CALD1: variants seen among roughly 807,000 people sequenced by gnomAD.
CALD1 encodes the protein caldesmon.
In CALD1, 33 loss-of-function variants were observed where a neutral mutation model predicts 99.9. The ratio of observed to expected loss-of-function variants is 0.33; its 90% CI spans 0.25 to 0.44. The LOEUF is 0.44. CALD1 is among the 20% of genes least tolerant of loss of function. CALD1 has a pLI of 1.00. For missense variants in CALD1, 861 were observed against 962.1 expected (o/e 0.89, Z 1.39); for synonymous variants, 310 against 325.0 (o/e 0.95, Z 0.50).
At chr7:134,901,151 G>C (rs1220199206) in intron 3 of CALD1, among the ~76,000 whole-genome samples, 1 of 151,578 alleles carries the variant, frequency 6.6e-6, no homozygotes, top group Admixed American at 6.6e-5. Context: ...CCAAGAGGGA[G>C]GTAGGGAGAA....
At chr7:134,793,051 C>T (rs749845496) in intron 1 of CALD1, among the ~76,000 whole-genome samples, 4 of 152,212 alleles carry the variant, frequency 2.6e-5, no homozygotes, top group Non-Finnish European at 5.9e-5. Flanking sequence ...GAAACCACGG[C>T]GGCAGACCAT....
intron 1 of CALD1, among the ~76,000 whole-genome samples, chr7:134,833,568 G>A (rs770159366): frequency 7.2e-5 from 11 of 152,150 alleles, no homozygotes; most frequent in Non-Finnish European, 1.3e-4. Context: ...TGGGAAGAAG[G>A]GCACTGGAGA....
At chr7:134,910,181 C>T (rs2132690765) in intron 3 of CALD1, among the ~76,000 whole-genome samples, 1 of 152,200 alleles carries the variant, frequency 6.6e-6, no homozygotes, top group South Asian at 2.1e-4. Context: ...AATCACTAGC[C>T]CCGTAGAGAT....
chr7:134,900,092 T>G (rs919701755), intron 3 of CALD1: 1 of 152,140 alleles, frequency 6.6e-6, no homozygotes, highest in African/African-American at 2.4e-5. Context: ...CTATATTCAC[T>G]CCAAAGAGAA....
chr7:134,945,178 C>T (rs1424963316), intron 7 of CALD1, among the ~76,000 whole-genome samples: 1 of 152,154 alleles, frequency 6.6e-6, no homozygotes, highest in African/African-American at 2.4e-5. Context: ...GAAAATTCAA[C>T]ATAATTTCAA....
chr7:134,804,094 T>C (rs913974741), intron 1 of CALD1, among the ~76,000 whole-genome samples: 2 of 152,256 alleles, frequency 1.3e-5, no homozygotes, highest in African/African-American at 4.8e-5. Context: ...GCTTCATTAA[T>C]GTTAGACATT....
At chr7:134,773,240 G>T in intron 1 of CALD1, among the ~76,000 whole-genome samples, 1 of 145,040 alleles carries the variant, frequency 6.9e-6, no homozygotes, top group Non-Finnish European at 1.5e-5. Context: ...ATTCCAGCTT[G>T]CCTTCTTCTT....
chr7:134,795,139 C>CT (rs771002953), intron 1 of CALD1, among the ~76,000 whole-genome samples: 19 of 151,106 alleles, frequency 1.3e-4, no homozygotes, highest in Non-Finnish European at 2.1e-4. Flanking sequence ...TTTTCTTTCT[C>CT]TTTTTTTTTC....
chr7:134,730,018 GAC>G, the CALD1 span, among the ~76,000 whole-genome samples: 1 of 152,176 alleles, frequency 6.6e-6, no homozygotes, highest in African/African-American at 2.4e-5. Context: ...CATGTAAACA[GAC>G]ACAGTCACAG....
At chr7:134,748,815 G>A (rs1377742864) in intron 1 of CALD1, among the ~76,000 whole-genome samples, 5 of 150,346 alleles carry the variant, frequency 3.3e-5, no homozygotes, top group African/African-American at 1.2e-4. Context: ...CAAAATTCAT[G>A]TTGAAATCCT....
At chr7:134,842,955 A>G (rs540029089) in intron 1 of CALD1, among the ~76,000 whole-genome samples, 2 of 152,310 alleles carry the variant, frequency 1.3e-5, no homozygotes, top group East Asian at 1.9e-4. Context: ...ATGTTTTCAT[A>G]TAAAACTCAT....
chr7:134,905,330 A>G (rs983166231), intron 3 of CALD1, among the ~76,000 whole-genome samples: 1 of 152,028 alleles, frequency 6.6e-6, no homozygotes, highest in East Asian at 1.9e-4. Context: ...CCGTGCAACT[A>G]TTAGTTCATT....
chr7:134,938,259 T>C (rs539149092), intron 6 of CALD1, among the ~76,000 whole-genome samples: 2 of 152,328 alleles, frequency 1.3e-5, no homozygotes, highest in African/African-American at 4.8e-5. Context: ...CCAGCTCTTG[T>C]TGCTATTCTG....
the CALD1 span, among the ~76,000 whole-genome samples, chr7:134,728,132 G>GCA: frequency 6.8e-6 from 1 of 148,008 alleles, no homozygotes. Context: ...AGTTCTTTGT[G>GCA]CTATAATACT....
chr7:134,963,084 T>C (rs755152185), intron 13 of CALD1: 16 of 350,964 alleles, frequency 4.6e-5, no homozygotes, highest in Non-Finnish European at 5.6e-5. Flanking sequence ...TTTTCTTAGG[T>C]AGAAGAACGT....
intron 3 of CALD1, among the ~76,000 whole-genome samples, chr7:134,885,864 G>T (rs186630145): frequency 6.6e-6 from 1 of 151,726 alleles, no homozygotes; most frequent in African/African-American, 2.4e-5. Flanking sequence ...CGTTTTCACC[G>T]AGACCAGAAC....
intron 7 of CALD1, among the ~76,000 whole-genome samples, chr7:134,941,896 A>G (rs1247257906): frequency 6.6e-6 from 1 of 152,148 alleles, no homozygotes; most frequent in Non-Finnish European, 1.5e-5. Flanking sequence ...TACCCCATCA[A>G]ACTGAAAATC....
At chr7:134,929,979 C>T (rs1030600439) in intron 4 of CALD1, among the ~76,000 whole-genome samples, 5 of 151,908 alleles carry the variant, frequency 3.3e-5, no homozygotes, top group South Asian at 4.2e-4. Context: ...TTAGTAGAGT[C>T]CTCCATGGCT....
rs1157110736 is a variant in CALD1 at position 134,936,634 on chromosome 7, T to C, written c.1386+869T>C. Among the ~76,000 whole-genome samples the C allele has an allele frequency of 3.3e-5, 5 of 152,164 alleles. No individual in the cohort carries two copies. In the East Asian group the frequency reaches 5.8e-4, roughly 18 times the overall value. ...AAAACTATGGCATCTATTAAGAAAATTCAAAATCTTAAACAGAGAAATCCA... is the reference window on the plus strand; with the variant it reads ...AAAACTATGGCATCTATTAAGAAAACTCAAAATCTTAAACAGAGAAATCCA... On this transcript the variant is annotated intron_variant, in intron 6 of 14. Transcript: ENST00000361675.
Sources: allele counts gnomAD v4.1 joint callset (sites outside exome capture counted in the v4.1 genomes callset), GRCh38; gene constraint gnomAD v4.1.1; transcripts MANE v1.5; gene names NCBI Gene and HGNC (gene_info 2026-07-23, HGNC 2026-07-21).